The following LRRC7 variants were observed in gnomAD, a reference collection of about 807,000 sequenced individuals.
LRRC7 encodes leucine-rich repeat-containing protein 7.
LRRC7 carries 23 observed loss-of-function variants against 175.7 expected under a neutral mutation model. The observed-to-expected ratio is 0.13, with a 90% confidence interval of 0.09 to 0.19. The LOEUF (loss-of-function observed/expected upper bound fraction) is 0.19. Ranked by LOEUF, LRRC7 falls within the 10% of genes least tolerant of loss-of-function variation. The probability of loss-of-function intolerance (pLI) is 1.00; values close to 1 mark genes in which losing one functional copy is unlikely to be tolerated. For missense variants in LRRC7, 1,354 were observed against 1,904.7 expected, an observed-to-expected ratio of 0.71 and a Z score of 5.38; for synonymous variants, 685 against 680.9, an observed-to-expected ratio of 1.01 and a Z score of -0.09.
Position 70,132,470 on chromosome 1 carries a change from T to G in LRRC7, c.*10583T>G, listed in dbSNP as rs894357422. ...TTCTTTTCTTTTCTTTTTTTTTTTT[T>G]TTTTTTTTTTTTTGAGACGGAGTCT... On this transcript the variant is annotated 3_prime_UTR_variant, in exon 27 of 27. Transcript: ENST00000651989. 7.4e-6 allele frequency among the ~76,000 whole-genome samples: 1 copy of G among 134,708 alleles called. No individual in the cohort carries two copies. The highest frequency in any genetic ancestry group is 2.8e-5 in the African/African-American group (1 of 36,008). 88.4% of individuals were successfully genotyped at this position (134,708 alleles called of 152,430 possible).
At chr1:70,030,039 C>G (rs1270635324) in intron 18 of LRRC7, among the ~76,000 whole-genome samples, 2 of 152,078 alleles carry the variant, frequency 1.3e-5, no homozygotes, top group African/African-American at 4.8e-5. Flanking sequence ...CACTTCCTAT[C>G]TCTTCCAAAT....
intron 23 of LRRC7, among the ~76,000 whole-genome samples, chr1:70,054,970 C>G (rs935937726): frequency 6.6e-6 from 1 of 152,114 alleles, no homozygotes; most frequent in African/African-American, 2.4e-5. Flanking sequence ...TACTTACACT[C>G]TTTGTTACTT....
Position 70,122,449 on chromosome 1 carries a change from TA to T in LRRC7, c.*567del, listed in dbSNP as rs1239691904. ...CTTTACTATATTGAATCTTTTTCAATAAAAATTACATGATAATGCCTTATGA... is the reference window on the plus strand; with the variant it reads ...CTTTACTATATTGAATCTTTTTCAATAAAATTACATGATAATGCCTTATGA... On this transcript the variant is annotated 3_prime_UTR_variant, in exon 27 of 27. Coordinates refer to ENST00000651989, the MANE Select transcript of LRRC7 (RefSeq NM_001370785.2). The T allele has an allele frequency of 6.6e-6, 1 of 152,122 alleles. No homozygotes were observed. The highest frequency in any genetic ancestry group is 1.5e-5 in the Non-Finnish European group (1 of 67,970). The allele number at this position is 152,122 out of a possible 1,614,324, so 9.4% of individuals were successfully genotyped here.
At position 69,767,638 on chromosome 1, in the gene LRRC7, G is replaced by A. The variant is rs536683505; in HGVS notation, c.303+7245G>A. ...TGCCCAGATAATTTTTTATAGAGAAGTGGTACTATGTTCTTCGTTATGTAT... is the reference window on the plus strand; with the variant it reads ...TGCCCAGATAATTTTTTATAGAGAAATGGTACTATGTTCTTCGTTATGTAT... On this transcript the variant is annotated intron_variant, in intron 3 of 26. Coordinates refer to ENST00000651989, the MANE Select transcript of LRRC7 (RefSeq NM_001370785.2). Among the ~76,000 whole-genome samples the A allele has an allele frequency of 5.3e-5, 8 of 152,052 alleles. No homozygotes were observed. The East Asian group carries it at 1.5e-3, about 29-fold the overall frequency.
chr1:69,656,162 A>G (rs1452061970), intron 1 of LRRC7, among the ~76,000 whole-genome samples: 1 of 152,034 alleles, frequency 6.6e-6, no homozygotes, highest in Non-Finnish European at 1.5e-5. Flanking sequence ...AGTAGAAAAA[A>G]ATAGTAAGAA....
chr1:69,916,175 T>TATATATTACATACATATTTTATATATA, intron 7 of LRRC7, among the ~76,000 whole-genome samples: 1 of 131,706 alleles, frequency 7.6e-6, no homozygotes, highest in East Asian at 2.3e-4. Context: ...ATATATATAA[T>TATATATTACATACATATTTTATATATA]ATATATTACA....
intron 2 of LRRC7, 162 bp from the exon 3 acceptor site, chr1:69,760,029 G>A: frequency 2.8e-6 from 2 of 715,244 alleles, no homozygotes; most frequent in African/African-American, 1.8e-5. Flanking sequence ...ACTTCGCAGG[G>A]CTGTTTAAGG....
At chr1:69,690,118 A>T (rs1661654757) in intron 2 of LRRC7, among the ~76,000 whole-genome samples, 1 of 152,188 alleles carries the variant, frequency 6.6e-6, no homozygotes, top group South Asian at 2.1e-4. Flanking sequence ...GCTTTGCTCC[A>T]GCCTCCATAG....
chr1:69,978,516 G>A (rs1451543112), intron 8 of LRRC7, among the ~76,000 whole-genome samples: 1 of 152,200 alleles, frequency 6.6e-6, no homozygotes, highest in East Asian at 1.9e-4. Flanking sequence ...CTAAGTGACA[G>A]TAGAAGTATT....
intron 8 of LRRC7, among the ~76,000 whole-genome samples, chr1:69,938,658 C>T (rs1409393655): frequency 6.6e-6 from 1 of 151,884 alleles, no homozygotes; most frequent in Non-Finnish European, 1.5e-5. Context: ...AAATTAAACT[C>T]ATTTTACTAA....
At chr1:69,583,939 C>A (rs1255470797) in intron 1 of LRRC7, among the ~76,000 whole-genome samples, 1 of 152,090 alleles carries the variant, frequency 6.6e-6, no homozygotes, top group Non-Finnish European at 1.5e-5. Flanking sequence ...CCAGTTCTGC[C>A]TCTTAATGAA....
intron 8 of LRRC7, among the ~76,000 whole-genome samples, chr1:69,934,561 G>A (rs1647784466): frequency 6.7e-6 from 1 of 149,526 alleles, no homozygotes; most frequent in Admixed American, 6.7e-5. Context: ...AACATAAGAT[G>A]AATAAATGTT....
chr1:69,814,434 A>G (rs922063251), intron 4 of LRRC7, among the ~76,000 whole-genome samples: 5 of 152,158 alleles, frequency 3.3e-5, no homozygotes, highest in African/African-American at 1.2e-4. Flanking sequence ...CTATAATTTT[A>G]TCTAGAATTT....
At chr1:69,915,544 T>A (rs1199744962) in intron 7 of LRRC7, among the ~76,000 whole-genome samples, 3 of 152,120 alleles carry the variant, frequency 2.0e-5, no homozygotes, top group East Asian at 1.9e-4. Context: ...CAGGAAGTAG[T>A]TTAAACTATT....
chr1:69,988,818 T>C (rs1417432745), intron 10 of LRRC7, among the ~76,000 whole-genome samples: 1 of 152,022 alleles, frequency 6.6e-6, no homozygotes, highest in Non-Finnish European at 1.5e-5. Context: ...TCCAGAAACC[T>C]GGGGGTCAGG....
intron 7 of LRRC7, among the ~76,000 whole-genome samples, chr1:69,844,356 C>G (rs1430715028): frequency 1.3e-5 from 2 of 152,086 alleles, no homozygotes; most frequent in Non-Finnish European, 2.9e-5. Context: ...TCCCCATTCC[C>G]TCCTCCCCTC....
intron 18 of LRRC7, chr1:70,031,354 T>A (rs2102004123): frequency 6.6e-6 from 1 of 152,348 alleles, no homozygotes; most frequent in East Asian, 1.9e-4. Flanking sequence ...GGACAATTTC[T>A]GAGTTTTTTT....
chr1:69,868,877 A>G (rs78011588), intron 7 of LRRC7, among the ~76,000 whole-genome samples: 1 of 149,196 alleles, frequency 6.7e-6, no homozygotes, highest in Admixed American at 6.7e-5. Flanking sequence ...TTCTCTCTCT[A>G]TCTATCTATC....
intron 5 of LRRC7, among the ~76,000 whole-genome samples, chr1:69,828,434 G>C (rs575426630): frequency 6.6e-6 from 1 of 152,146 alleles, no homozygotes; most frequent in Admixed American, 6.6e-5. Context: ...GCCAGAATTT[G>C]GTTCCATCAG....
Sources: gnomAD v4.1 joint callset for allele counts (sites outside exome capture counted in the v4.1 genomes callset) on GRCh38, gnomAD v4.1.1 for gene constraint, MANE v1.5 for transcripts, NCBI Gene and HGNC (gene_info 2026-07-23, HGNC 2026-07-21) for gene names.